SNTG1: variants seen among roughly 807,000 people sequenced by gnomAD.
The protein encoded by SNTG1 is gamma-1-syntrophin.
SNTG1 carries 39 observed loss-of-function variants against 74.7 expected under a neutral mutation model. That is an observed-to-expected ratio of 0.52 (90% CI 0.40 to 0.68). The LOEUF is 0.68. SNTG1 is among the 30% of genes least tolerant of loss of function. The pLI, the probability that SNTG1 is intolerant of heterozygous loss-of-function variation, is 0.00. For synonymous variants in SNTG1, 254 were observed against 217.1 expected, an observed-to-expected ratio of 1.17 and a Z score of -1.49; for missense variants, 685 against 609.5, an observed-to-expected ratio of 1.12 and a Z score of -1.30.
At chr8:50,569,397 G>C (rs1299041829) in intron 12 of SNTG1, among the ~76,000 whole-genome samples, 1 of 148,326 alleles carries the variant, frequency 6.7e-6, no homozygotes, top group Non-Finnish European at 1.5e-5. Flanking sequence ...ACGTGCAGAA[G>C]TGAAAAAAAA....
intron 2 of SNTG1, among the ~76,000 whole-genome samples, chr8:50,294,462 A>C (rs2089271139): frequency 6.6e-6 from 1 of 152,206 alleles, no homozygotes; most frequent in South Asian, 2.1e-4. Flanking sequence ...GGCAAGCCCC[A>C]AAATTTGCAG....
intron 2 of SNTG1, among the ~76,000 whole-genome samples, chr8:50,326,730 C>T (rs1371696340): frequency 6.6e-6 from 1 of 151,248 alleles, no homozygotes; most frequent in Non-Finnish European, 1.5e-5. Flanking sequence ...CTTCCAGTTA[C>T]ATTGAATTTC....
intron 18 of SNTG1, among the ~76,000 whole-genome samples, chr8:50,765,504 C>T (rs1434484422): frequency 1.3e-5 from 2 of 151,940 alleles, no homozygotes; most frequent in African/African-American, 4.8e-5. Flanking sequence ...TCTTCTCTCT[C>T]TTTCAGGGTG....
At chr8:50,103,107 G>C (rs1455462835) in intron 1 of SNTG1, among the ~76,000 whole-genome samples, 2 of 152,072 alleles carry the variant, frequency 1.3e-5, no homozygotes, top group African/African-American at 2.4e-5. Flanking sequence ...AAAGTCATTG[G>C]TAGCTTGATG....
At chr8:50,704,561 T>C in intron 15 of SNTG1, 39 bp from the exon 16 acceptor site, 3 of 1,613,560 alleles carry the variant, frequency 1.9e-6, no homozygotes, top group Non-Finnish European at 2.5e-6. Context: ...CAATGTGAAG[T>C]GATGTGTGCC....
At chr8:50,246,804 A>G (rs73577266) in intron 2 of SNTG1, among the ~76,000 whole-genome samples, 4,668 of 152,284 alleles carry the variant, frequency 0.031, 232 homozygotes, top group African/African-American at 0.1. Flanking sequence ...CCAAAAGACC[A>G]ATGTCATCCT....
intron 18 of SNTG1, among the ~76,000 whole-genome samples, chr8:50,786,473 A>C (rs2095675530): frequency 6.6e-6 from 1 of 151,994 alleles, no homozygotes; most frequent in South Asian, 2.1e-4. Flanking sequence ...TCTCCATCAA[A>C]ATGCCAACTG....
chr8:50,201,567 A>T (rs1260958825), intron 2 of SNTG1, among the ~76,000 whole-genome samples: 2 of 152,046 alleles, frequency 1.3e-5, no homozygotes, highest in African/African-American at 4.8e-5. Flanking sequence ...ACACTCCATG[A>T]TCATCTTGTT....
chr8:50,080,398 C>T (rs1822296672), intron 1 of SNTG1, among the ~76,000 whole-genome samples: 1 of 152,102 alleles, frequency 6.6e-6, no homozygotes, highest in Admixed American at 6.5e-5. Flanking sequence ...TTGTATCTTA[C>T]ATTTTTATCA....
At chr8:50,223,167 A>G (rs2085155694) in intron 2 of SNTG1, among the ~76,000 whole-genome samples, 1 of 152,128 alleles carries the variant, frequency 6.6e-6, no homozygotes, top group Non-Finnish European at 1.5e-5. Flanking sequence ...GGTGATGAGG[A>G]ATGACTGCTA....
intron 2 of SNTG1, among the ~76,000 whole-genome samples, chr8:50,290,964 C>T (rs971312402): frequency 6.6e-6 from 1 of 152,016 alleles, no homozygotes; most frequent in African/African-American, 2.4e-5. Flanking sequence ...TGCCATGTTA[C>T]CCAGGCTGGT....
chr8:50,364,013 C>A (rs1457620075), intron 2 of SNTG1, among the ~76,000 whole-genome samples: 1 of 152,160 alleles, frequency 6.6e-6, no homozygotes, highest in Non-Finnish European at 1.5e-5. Context: ...ATGCACCAAT[C>A]CCTGAGGCCC....
intron 12 of SNTG1, among the ~76,000 whole-genome samples, chr8:50,582,423 G>A (rs561935126): frequency 2.0e-5 from 3 of 152,162 alleles, no homozygotes; most frequent in East Asian, 1.9e-4. Flanking sequence ...ATTAAAATAA[G>A]CAGTTATTAG....
At position 50,215,765 on chromosome 8, in the gene SNTG1, T is replaced by C. The variant is rs117243120; in HGVS notation, c.-28+43130T>C. On this transcript the variant is annotated intron_variant, in intron 2 of 18. Transcript: ENST00000642720. ...AAAATCCAATCACTTTCAAACTTTC[T>C]AGAAAGTTTTCAGAAGGAGATTATG... 8.8e-4 allele frequency among the ~76,000 whole-genome samples: 134 copies of C among 152,194 alleles called. 2 individuals carry two copies. The East Asian group carries it at 0.025, about 28-fold the overall frequency.
chr8:49,981,182 G>A (rs1812646899), intron 1 of SNTG1, among the ~76,000 whole-genome samples: 1 of 152,140 alleles, frequency 6.6e-6, no homozygotes. Flanking sequence ...AAGTATCACA[G>A]AACAGAAGCA....
chr8:50,052,321 A>G (rs1819646269), intron 1 of SNTG1, among the ~76,000 whole-genome samples: 1 of 152,130 alleles, frequency 6.6e-6, no homozygotes, highest in Non-Finnish European at 1.5e-5. Context: ...AAGACAATTC[A>G]TTAAGTAATA....
At chr8:50,043,861 G>T (rs1818851128) in intron 1 of SNTG1, among the ~76,000 whole-genome samples, 1 of 152,190 alleles carries the variant, frequency 6.6e-6, no homozygotes, top group Non-Finnish European at 1.5e-5. Context: ...ACTGCCACCT[G>T]AGGAAAATGC....
rs11453931 is a variant in SNTG1 at position 49,993,369 on chromosome 8, G to GTT, written c.-103+81147_-103+81148dup. Among the ~76,000 whole-genome samples, 346 of 148,250 alleles carry GTT rather than the reference G, an allele frequency of 2.3e-3. 2 individuals are homozygous for GTT. Among genetic ancestry groups the GTT allele is most frequent in the South Asian group, 2.7e-3 (13 of 4,736 alleles). ...TTCCTCTGTTGTAAATTTTTCTGAGGTTTTTTTTTTGTCGTCGTTGTTGTT... is the reference window on the plus strand; with the variant it reads ...TTCCTCTGTTGTAAATTTTTCTGAGGTTTTTTTTTTTTGTCGTCGTTGTTGTT... On this transcript the variant is annotated intron_variant, in intron 1 of 18. Transcript: ENST00000642720.
At chr8:50,398,964 G>T (rs978420351) in intron 3 of SNTG1, among the ~76,000 whole-genome samples, 3 of 152,112 alleles carry the variant, frequency 2.0e-5, no homozygotes, top group Non-Finnish European at 4.4e-5. Context: ...AGGTAAAATA[G>T]TTACGAATAC....
Sources: allele counts gnomAD v4.1 joint callset (sites outside exome capture counted in the v4.1 genomes callset), GRCh38; gene constraint gnomAD v4.1.1; transcripts MANE v1.5; gene names NCBI Gene and HGNC (gene_info 2026-07-23, HGNC 2026-07-21).